SLC35G2: variants seen among roughly 807,000 people sequenced by gnomAD.
SLC35G2 encodes the protein transmembrane protein 22.
Under a neutral mutation model 27.2 loss-of-function variants are expected in SLC35G2, and 20 were observed. The observed-to-expected ratio is 0.74, with a 90% CI of 0.52 to 1.07. The LOEUF is 1.07. Among genes scored for constraint, SLC35G2 ranks in the 50% least tolerant of loss-of-function variants. The pLI is 0.00. For synonymous variants in SLC35G2, 148 were observed against 165.3 expected, an observed-to-expected ratio of 0.90 and a Z score of 0.80; for missense variants, 416 against 493.3, an observed-to-expected ratio of 0.84 and a Z score of 1.48.
intron 1 of SLC35G2, among the ~76,000 whole-genome samples, chr3:136,847,956 G>A (rs139235089): frequency 5.4e-4 from 82 of 152,206 alleles, no homozygotes; most frequent in African/African-American, 2.0e-3. Context: ...CAGCCTGGGC[G>A]ACAGAGCAAG....
chr3:136,848,924 A>C (rs1937512797), intron 1 of SLC35G2, among the ~76,000 whole-genome samples: 1 of 152,182 alleles, frequency 6.6e-6, no homozygotes. Context: ...GGTGGCCTGT[A>C]ATCTCAGCAC....
intron 1 of SLC35G2, chr3:136,846,650 A>C (rs928150334): frequency 6.6e-6 from 1 of 152,370 alleles, no homozygotes. Flanking sequence ...GATTGTAGAA[A>C]GTTACAGTGG....
chr3:136,840,893 G>A (rs1937062805), intron 1 of SLC35G2, among the ~76,000 whole-genome samples: 1 of 150,164 alleles, frequency 6.7e-6, no homozygotes, highest in African/African-American at 2.4e-5. Flanking sequence ...AAAGTGCTGG[G>A]ATTACAGACG....
chr3:136,823,293 A>G (rs557588831), intron 1 of SLC35G2, among the ~76,000 whole-genome samples: 1 of 152,248 alleles, frequency 6.6e-6, no homozygotes, highest in East Asian at 1.9e-4. Flanking sequence ...GCCATTCCTT[A>G]TGTATTCTGA....
chr3:136,833,404 C>G (rs201160676), intron 1 of SLC35G2, among the ~76,000 whole-genome samples: 2 of 152,226 alleles, frequency 1.3e-5, no homozygotes, highest in East Asian at 3.9e-4. Context: ...TGTTTCTAGT[C>G]ATTGTAGGTG....
chr3:136,839,511 C>A (rs1201919703), intron 1 of SLC35G2, among the ~76,000 whole-genome samples: 1 of 152,098 alleles, frequency 6.6e-6, no homozygotes, highest in Non-Finnish European at 1.5e-5. Flanking sequence ...AAGTCATGAA[C>A]CTTGACTGAG....
intron 1 of SLC35G2, among the ~76,000 whole-genome samples, chr3:136,826,097 C>T (rs929327536): frequency 9.3e-5 from 14 of 151,020 alleles, no homozygotes; most frequent in Non-Finnish European, 1.3e-4. Flanking sequence ...AGTACAGTGG[C>T]GCGATCTTGG....
In SLC35G2 at chr3:136,855,706, G is replaced by C; in HGVS notation, c.*7G>C. ...AGACTCTCCCATTAAATGAATACCT[G>C]ATTATTATTGTCTCATTAATGTTCA... On this transcript the variant is annotated 3_prime_UTR_variant, in exon 2 of 2. Transcript: ENST00000446465. 1.9e-6 allele frequency: 3 copies of C among 1,565,380 alleles called. No homozygotes were observed. The highest frequency in any genetic ancestry group is 2.6e-6 in the Non-Finnish European group (3 of 1,143,448).
chr3:136,830,053 G>A (rs1168941195), intron 1 of SLC35G2, among the ~76,000 whole-genome samples: 1 of 149,962 alleles, frequency 6.7e-6, no homozygotes, highest in African/African-American at 2.4e-5. Context: ...CAATAACTCT[G>A]AGATTTGCCC....
intron 1 of SLC35G2, among the ~76,000 whole-genome samples, chr3:136,841,527 G>A (rs573250200): frequency 2.0e-4 from 30 of 152,098 alleles, no homozygotes; most frequent in African/African-American, 6.7e-4. Context: ...TCGGGAGTTC[G>A]AGACCAGCCT....
intron 1 of SLC35G2, among the ~76,000 whole-genome samples, chr3:136,828,076 C>T (rs1172708200): frequency 6.6e-6 from 1 of 152,200 alleles, no homozygotes; most frequent in Non-Finnish European, 1.5e-5. Context: ...ATCTGCCCAC[C>T]TCAGCCTCCC....
intron 1 of SLC35G2, among the ~76,000 whole-genome samples, chr3:136,841,374 C>A (rs1937089425): frequency 6.6e-6 from 1 of 152,078 alleles, no homozygotes. Flanking sequence ...TGAAGGATTT[C>A]ATATCCTACT....
At position 136,854,511 on chromosome 3, in the gene SLC35G2, A is replaced by T; in HGVS notation, c.51A>T (p.Ile17=). ...ATCCAGTTAAAAAACGGGTGAAAAT[A>T]CATCCCAACACAGTGATGGTGAAAT... ...RKYPVKKRVK[I]HPNTVMVKYT... The change falls in exon 2 of 2, where the codon ATA becomes ATT. Residue 17 remains isoleucine, a synonymous_variant. Coordinates refer to ENST00000446465, the MANE Select transcript of SLC35G2 (RefSeq NM_025246.3). The T allele has an allele frequency of 6.3e-7, 1 of 1,591,810 alleles. No homozygotes were observed. The highest frequency in any genetic ancestry group is 1.1e-5 in the South Asian group (1 of 87,036).
intron 1 of SLC35G2, among the ~76,000 whole-genome samples, chr3:136,832,978 A>T (rs1401658824): frequency 6.6e-6 from 1 of 151,680 alleles, no homozygotes; most frequent in African/African-American, 2.4e-5. Flanking sequence ...CTGAGGCAGG[A>T]GAATGGCATG....
chr3:136,835,658 T>C, intron 1 of SLC35G2, among the ~76,000 whole-genome samples: 1 of 152,214 alleles, frequency 6.6e-6, no homozygotes, highest in East Asian at 1.9e-4. Context: ...GATTGCCAAA[T>C]TGTAGTTTTT....
chr3:136,844,786 ACT>A (rs1177399895), intron 1 of SLC35G2, among the ~76,000 whole-genome samples: 3 of 135,714 alleles, frequency 2.2e-5, no homozygotes, highest in Non-Finnish European at 4.6e-5. Context: ...CGACAGCAAG[ACT>A]CTCTGTCTCA....
chr3:136,840,518 C>G (rs1937040413), intron 1 of SLC35G2, among the ~76,000 whole-genome samples: 1 of 149,694 alleles, frequency 6.7e-6, no homozygotes, highest in South Asian at 2.1e-4. Context: ...CCCTCCCTTC[C>G]TCTCTCTCTC....
intron 1 of SLC35G2, among the ~76,000 whole-genome samples, chr3:136,836,317 A>C (rs1447734670): frequency 6.6e-6 from 1 of 152,016 alleles, no homozygotes; most frequent in Non-Finnish European, 1.5e-5. Context: ...ATTATCCTCG[A>C]TATATTTAAC....
intron 1 of SLC35G2, among the ~76,000 whole-genome samples, chr3:136,834,735 C>G (rs1385469806): frequency 1.3e-5 from 2 of 152,316 alleles, no homozygotes; most frequent in Middle Eastern, 6.8e-3. Context: ...CTGTTGTAAA[C>G]ATACCACACA....
Sources: allele counts gnomAD v4.1 joint callset (sites outside exome capture counted in the v4.1 genomes callset), GRCh38; gene constraint gnomAD v4.1.1; transcripts MANE v1.5; gene names NCBI Gene and HGNC (gene_info 2026-07-23, HGNC 2026-07-21).